DTNB: variants seen among roughly 807,000 people sequenced by gnomAD.
DTNB encodes the protein dystrobrevin beta.
Under a neutral mutation model 90.7 loss-of-function variants are expected in DTNB, and 63 were observed. The ratio of observed to expected loss-of-function variants is 0.69; its 90% confidence interval spans 0.57 to 0.86. DTNB has a LOEUF of 0.86. Among genes scored for constraint, DTNB ranks in the 40% least tolerant of loss-of-function variants. The pLI is 0.00. For missense variants in DTNB, 744 were observed against 807.1 expected, an observed-to-expected ratio of 0.92 and a Z score of 0.95; for synonymous variants, 277 against 286.7, an observed-to-expected ratio of 0.97 and a Z score of 0.34.
At chr2:25,564,304 G>C (rs1310490861) in intron 8 of DTNB, among the ~76,000 whole-genome samples, 4 of 152,140 alleles carry the variant, frequency 2.6e-5, no homozygotes, top group Non-Finnish European at 5.9e-5. Context: ...GATGAATTGG[G>C]GAGTACTGTC....
intron 10 of DTNB, among the ~76,000 whole-genome samples, chr2:25,461,727 G>T (rs1574770813): frequency 6.6e-6 from 1 of 152,136 alleles, no homozygotes; most frequent in African/African-American, 2.4e-5. Flanking sequence ...CCCAGACATG[G>T]CTGCTGCTAA....
intron 9 of DTNB, among the ~76,000 whole-genome samples, chr2:25,487,850 T>C (rs1302999087): frequency 6.6e-6 from 1 of 152,188 alleles, no homozygotes; most frequent in Non-Finnish European, 1.5e-5. Context: ...AGAGGCAGGA[T>C]GTGAAAGGAG....
rs1267842457 is a variant in DTNB, at chr2:25,432,543, G to A, written c.1457+343C>T. The stretch of plus-strand genomic sequence containing the variant: ...ACAGCAAAGGCAAAGCATTCTTCCC[G>A]CCAAGTGTCTCTAAAGTCAGACAAA... On this transcript the variant is annotated intron_variant, in intron 14 of 20. Coordinates refer to ENST00000406818, the MANE Select transcript of DTNB (RefSeq NM_021907.5). Among the ~76,000 whole-genome samples, 6 of 152,270 alleles carry A rather than the reference G, an allele frequency of 3.9e-5. No homozygotes were observed. In the South Asian group the frequency reaches 6.2e-4, roughly 16 times the overall value.
At chr2:25,560,685 T>C (rs1020672764) in intron 8 of DTNB, among the ~76,000 whole-genome samples, 1 of 152,206 alleles carries the variant, frequency 6.6e-6, no homozygotes, top group African/African-American at 2.4e-5. Context: ...CCTCCATAAC[T>C]GCATAAGCCA....
intron 8 of DTNB, among the ~76,000 whole-genome samples, chr2:25,564,091 T>C (rs1011229045): frequency 4.6e-5 from 7 of 152,040 alleles, no homozygotes; most frequent in Non-Finnish European, 7.4e-5. Flanking sequence ...TTAGTAGAGA[T>C]GGGGTTTCAC....
chr2:25,383,797 TC>T, intron 19 of DTNB, 38 bp downstream of exon 19: 4 of 1,613,974 alleles, frequency 2.5e-6, no homozygotes, highest in Non-Finnish European at 3.4e-6. Context: ...GAGCTCGGGC[TC>T]CCCATTTAAA....
intron 16 of DTNB, among the ~76,000 whole-genome samples, chr2:25,406,160 AG>A: frequency 6.6e-6 from 1 of 152,186 alleles, no homozygotes; most frequent in Admixed American, 6.5e-5. Flanking sequence ...CCTCAGAATA[AG>A]GGGTTCTGAG....
chr2:25,461,388 TTAA>T (rs747001506), intron 10 of DTNB, among the ~76,000 whole-genome samples: 1 of 152,220 alleles, frequency 6.6e-6, no homozygotes, highest in Non-Finnish European at 1.5e-5. Flanking sequence ...GTTTACCAGA[TTAA>T]GAAAATTTAA....
chr2:25,407,780 T>C (rs142098058), intron 16 of DTNB, among the ~76,000 whole-genome samples: 24 of 151,628 alleles, frequency 1.6e-4, no homozygotes, highest in Admixed American at 2.6e-4. Context: ...AAGGGAGAGG[T>C]TGGGAGGGGC....
At chr2:25,540,767 T>G (rs1328326218) in intron 8 of DTNB, among the ~76,000 whole-genome samples, 3 of 152,004 alleles carry the variant, frequency 2.0e-5, no homozygotes, top group Admixed American at 6.6e-5. Context: ...CTCTGAAACA[T>G]ATGCTGTGTC....
chr2:25,490,964 G>A (rs2067275359), intron 9 of DTNB, among the ~76,000 whole-genome samples: 1 of 151,868 alleles, frequency 6.6e-6, no homozygotes, highest in East Asian at 1.9e-4. Context: ...GGAATTATGG[G>A]AATTATGGGA....
At chr2:25,596,419 G>T in intron 5 of DTNB, 179 bp from the exon 6 acceptor site, 3 of 538,078 alleles carry the variant, frequency 5.6e-6, no homozygotes, top group Non-Finnish European at 8.7e-6. Context: ...TGGCTACCCT[G>T]CAGATGAGGC....
intron 2 of DTNB, among the ~76,000 whole-genome samples, chr2:25,640,503 T>C (rs1189264351): frequency 6.6e-6 from 1 of 152,208 alleles, no homozygotes; most frequent in Non-Finnish European, 1.5e-5. Flanking sequence ...CCTGATGTCA[T>C]GATTAAAATT....
At chr2:25,451,526 C>A in intron 12 of DTNB, 22 bp downstream of exon 12, 1 of 1,593,982 alleles carries the variant, frequency 6.3e-7, no homozygotes, top group East Asian at 2.3e-5. Context: ...TGCTACTCTC[C>A]TGGGATCCTC....
chr2:25,416,597 C>T (rs1448283116), intron 16 of DTNB, among the ~76,000 whole-genome samples: 1 of 152,054 alleles, frequency 6.6e-6, no homozygotes, highest in South Asian at 2.1e-4. Context: ...ACCCAGGAGG[C>T]GGAGGTTGCA....
intron 10 of DTNB, among the ~76,000 whole-genome samples, chr2:25,475,335 C>T (rs113226721): frequency 0.016 from 2,389 of 152,346 alleles, 64 homozygotes; most frequent in African/African-American, 0.054. Flanking sequence ...ATCAAATCAG[C>T]CGCAACATTC....
rs539949014 is a variant in DTNB at position 25,526,195 on chromosome 2, T to C, written c.1001+5278A>G. ...CAGAACTTTTGACCCCAGAACTGTA[T>C]CCTAGATATTAATACATAGAAACTC... On this transcript the variant is annotated intron_variant, in intron 9 of 20. Transcript: ENST00000406818. Among the ~76,000 whole-genome samples, 4 of 151,634 alleles carry C rather than the reference T, an allele frequency of 2.6e-5. No individual in the cohort carries two copies. The East Asian group carries it at 5.8e-4, about 22-fold the overall frequency.
intron 9 of DTNB, among the ~76,000 whole-genome samples, chr2:25,500,361 C>G (rs372587265): frequency 8.0e-4 from 122 of 152,290 alleles, no homozygotes; most frequent in African/African-American, 2.7e-3. Flanking sequence ...TAGCAAAAAT[C>G]TGTGAGTGGG....
chr2:25,474,980 C>T (rs1312349714), intron 10 of DTNB, among the ~76,000 whole-genome samples: 1 of 152,184 alleles, frequency 6.6e-6, no homozygotes, highest in Non-Finnish European at 1.5e-5. Flanking sequence ...GTTTCACTGA[C>T]CATCTCTCTC....
Sources: gnomAD v4.1 joint callset for allele counts (sites outside exome capture counted in the v4.1 genomes callset) on GRCh38, gnomAD v4.1.1 for gene constraint, MANE v1.5 for transcripts, NCBI Gene and HGNC (gene_info 2026-07-23, HGNC 2026-07-21) for gene names.